CFHR3: variants seen among roughly 807,000 people sequenced by gnomAD.
CFHR3 encodes the protein complement factor H related 3, also known as complement factor H-related protein 3.
Under a neutral mutation model 36.0 loss-of-function variants are expected in CFHR3, and 22 were observed. The observed-to-expected ratio is 0.61, with a 90% CI of 0.44 to 0.87. The LOEUF (loss-of-function observed/expected upper bound fraction) is 0.87, where lower values mean the gene tolerates loss of function less well. Ranked by LOEUF, CFHR3 falls within the 40% of genes least tolerant of loss-of-function variation. The probability of loss-of-function intolerance (pLI) is 0.00; values close to 1 mark genes in which losing one functional copy is unlikely to be tolerated. For synonymous variants in CFHR3, 97 were observed against 137.4 expected (o/e 0.71, Z 2.06); for missense variants, 276 against 401.3 (o/e 0.69, Z 2.67).
intron 1 of CFHR3, among the ~76,000 whole-genome samples, chr1:196,778,193 G>C (rs1021721847): frequency 7.4e-6 from 1 of 134,450 alleles, no homozygotes; most frequent in African/African-American, 3.2e-5. Flanking sequence ...GACTGGGTCA[G>C]AGAAGCTGTC....
intron 4 of CFHR3, 192 bp from the exon 5 acceptor site, chr1:196,789,853 T>G (rs1654356653): frequency 8.8e-7 from 1 of 1,141,434 alleles, no homozygotes; most frequent in African/African-American, 2.2e-5. Flanking sequence ...TGTACATATA[T>G]GTACATATAT....
At chr1:196,789,366 A>T in intron 4 of CFHR3, 1 of 903,462 alleles carries the variant, frequency 1.1e-6, no homozygotes, top group Non-Finnish European at 1.3e-6. Flanking sequence ...GGTTATATGA[A>T]TTCCTACATT....
At position 196,779,862 on chromosome 1, in the gene CFHR3, G is replaced by A. The variant is rs769199684; in HGVS notation, c.319G>A (p.Gly107Ser). 16 of 1,532,670 alleles carry A rather than the reference G, an allele frequency of 1.0e-5. 5 individuals carry two copies. The Admixed American group carries it at 2.8e-4, about 26-fold the overall frequency. 94.9% of individuals were successfully genotyped at this position (1,532,670 alleles called of 1,614,324 possible). ...AAATTATGGAAGAAAGTTTGTACAGGGTAACTCTACAGAAGTTGCCTGCCA... is the reference window on the plus strand; with the variant it reads ...AAATTATGGAAGAAAGTTTGTACAGAGTAACTCTACAGAAGTTGCCTGCCA... The part of the protein sequence containing the change: ...NQNYGRKFVQ[G>S]NSTEVACHPG... Residue 107 changes from glycine to serine, a missense_variant, in exon 3 of 6, where the codon GGT becomes AGT. Gly to Ser is a moderately conservative substitution (Grantham distance 56). Coordinates refer to ENST00000367425, the MANE Select transcript of CFHR3 (RefSeq NM_021023.6).
intron 5 of CFHR3, among the ~76,000 whole-genome samples, chr1:196,793,110 G>T (rs1182163624): frequency 1.5e-5 from 2 of 134,932 alleles, no homozygotes; most frequent in African/African-American, 3.2e-5. Context: ...CACCTCACCT[G>T]ATGATCTCTG....
At chr1:196,789,754 T>G in intron 4 of CFHR3, 1 of 1,393,986 alleles carries the variant, frequency 7.2e-7, no homozygotes, top group Non-Finnish European at 9.4e-7. Context: ...TCCCAACATG[T>G]TATAGTAAGT....
At chr1:196,783,062 A>G (rs1324471645) in intron 3 of CFHR3, among the ~76,000 whole-genome samples, 1 of 136,932 alleles carries the variant, frequency 7.3e-6, no homozygotes, top group Non-Finnish European at 1.5e-5. Context: ...TGAGATAATC[A>G]TGTGGTTTTT....
rs777106706 is a variant in CFHR3 at position 196,780,050 on chromosome 1, T to C, written c.430+77T>C. ...CGGACGACAGTCTCAGACTTGTCTATATTAACTGTGGCAAAATGTTTTTGT... is the reference window on the plus strand; with the variant it reads ...CGGACGACAGTCTCAGACTTGTCTACATTAACTGTGGCAAAATGTTTTTGT... On this transcript the variant is annotated intron_variant, in intron 3 of 5. Coordinates refer to ENST00000367425, the MANE Select transcript of CFHR3 (RefSeq NM_021023.6). The C allele has an allele frequency of 1.3e-5, 19 of 1,491,150 alleles. 2 individuals carry two copies. In the East Asian group the frequency reaches 2.3e-4, roughly 18 times the overall value. 92.4% of individuals were successfully genotyped at this position (1,491,150 alleles called of 1,614,324 possible).
intron 5 of CFHR3, among the ~76,000 whole-genome samples, 186 bp downstream of exon 5, chr1:196,790,413 T>C (rs1280964613): frequency 1.5e-5 from 2 of 129,302 alleles, no homozygotes; most frequent in Admixed American, 7.5e-5. Flanking sequence ...ATGTAAACAA[T>C]GACCAAGTTT....
intron 1 of CFHR3, among the ~76,000 whole-genome samples, chr1:196,776,039 T>C (rs1653705694): frequency 1.6e-5 from 2 of 122,012 alleles, no homozygotes; most frequent in African/African-American, 3.2e-5. Context: ...TCACCAGTTA[T>C]TTCCTTTTTT....
At position 196,788,302 on chromosome 1, in the gene CFHR3, T is replaced by C. The variant is rs1654290560; in HGVS notation, c.517T>C (p.Tyr173His). The change falls in exon 4 of 6, where the codon TAT becomes CAT. Residue 173 changes from tyrosine (Y) to histidine (H), a missense_variant. By Grantham distance (83) the Tyr-to-His change is moderately conservative (BLOSUM62 2). Coordinates refer to ENST00000367425, the MANE Select transcript of CFHR3 (RefSeq NM_021023.6). ...TTATATTTTAAATAAAGAAATACAA[T>C]ATAAATGTAAACCAGGATATGCAAC... ...SIYILNKEIQ[Y>H]KCKPGYATAD... 2 of 1,511,250 alleles carry C rather than the reference T, an allele frequency of 1.3e-6. No individual in the cohort carries two copies. The highest frequency in any genetic ancestry group is 1.8e-6 in the Non-Finnish European group (2 of 1,121,412). 93.6% of individuals were successfully genotyped at this position (1,511,250 alleles called of 1,614,324 possible). A position where few individuals can be genotyped will look rare whatever the true frequency, so the allele number is the denominator to read the frequency against.
Position 196,780,718 on chromosome 1 carries a change from T to C in CFHR3, c.430+745T>C, listed in dbSNP as rs1324675567. On this transcript the variant is annotated intron_variant, in intron 3 of 5. Coordinates refer to ENST00000367425, the MANE Select transcript of CFHR3 (RefSeq NM_021023.6). ...TGTGGCTAGTATTGTTCTTTCCTTT[T>C]TTCTGCATTATGAACAAGTTGCTCA... is the stretch of plus-strand genomic sequence containing the variant. 5.1e-5 allele frequency among the ~76,000 whole-genome samples: 7 copies of C among 136,892 alleles called. 1 individual carries two copies. Among genetic ancestry groups the C allele is most frequent in the African/African-American group, 1.5e-4 (5 of 32,974 alleles). 89.8% of individuals were successfully genotyped at this position (136,892 alleles called of 152,430 possible).
rs1348831477 is a variant in CFHR3, at chr1:196,795,127, C to T, written c.*1614C>T. ...GCTGATATGGTTTGGCTGTGTCCCA[C>T]CCAATTTTCACCTTGAATTATATAA... On this transcript the variant is annotated 3_prime_UTR_variant, in exon 6 of 6. Transcript: ENST00000367425. 3 of 136,352 alleles carry T rather than the reference C, an allele frequency of 2.2e-5. 1 individual carries two copies. The highest frequency in any genetic ancestry group is 9.3e-5 in the African/African-American group (3 of 32,232). The allele number at this position is 136,352 out of a possible 1,614,324, so 8.4% of individuals were successfully genotyped here. A position where few individuals can be genotyped will look rare whatever the true frequency, so the allele number is the denominator to read the frequency against.
rs1046292206 is a variant in CFHR3 at position 196,793,670 on chromosome 1, A to G, written c.*157A>G. 9 of 686,278 alleles carry G rather than the reference A, an allele frequency of 1.3e-5. 2 individuals carry two copies. Among genetic ancestry groups the G allele is most frequent in the Non-Finnish European group, 2.0e-5 (9 of 442,930 alleles). The allele number at this position is 686,278 out of a possible 1,614,324, so 42.5% of individuals were successfully genotyped here. A position where few individuals can be genotyped will look rare whatever the true frequency, so the allele number is the denominator to read the frequency against. ...ATAGTTTCAATTTGCAACTTAATAT[A>G]TTCTCAAAAATATATTAAAACAAAC... is the stretch of plus-strand genomic sequence containing the variant. On this transcript the variant is annotated 3_prime_UTR_variant, in exon 6 of 6. Coordinates refer to ENST00000367425, the MANE Select transcript of CFHR3 (RefSeq NM_021023.6).
In CFHR3 at chr1:196,793,462, A is replaced by T; in HGVS notation, c.942A>T (p.Ser314=). The stretch of plus-strand genomic sequence containing the variant: ...ATAATGCAAATACATCAATTCTATC[A>T]TTTCAAGCAGTGTGTCGGGAAGGGA... ...LGYNANTSIL[S]FQAVCREGIV... Residue 314 remains serine, a synonymous_variant, in exon 6 of 6, where the codon TCA becomes TCT. Transcript: ENST00000367425. The T allele has an allele frequency of 6.5e-7, 1 of 1,527,146 alleles. No homozygotes were observed. The highest frequency in any genetic ancestry group is 8.9e-7 in the Non-Finnish European group (1 of 1,129,372). The allele number at this position is 1,527,146 out of a possible 1,614,324, so 94.6% of individuals were successfully genotyped here. A position where few individuals can be genotyped will look rare whatever the true frequency, so the allele number is the denominator to read the frequency against.
In CFHR3 at chr1:196,794,264, A is replaced by G. The variant is rs1010775937; in HGVS notation, c.*751A>G. Among the ~76,000 whole-genome samples, 1 of 136,512 alleles carries G rather than the reference A, an allele frequency of 7.3e-6. No individual in the cohort carries two copies. The highest frequency in any genetic ancestry group is 3.1e-5 in the African/African-American group (1 of 32,514). The allele number at this position is 136,512 out of a possible 152,430, so 89.6% of individuals were successfully genotyped here. A position where few individuals can be genotyped will look rare whatever the true frequency, so the allele number is the denominator to read the frequency against. On this transcript the variant is annotated 3_prime_UTR_variant, in exon 6 of 6. Transcript: ENST00000367425. Reference sequence around the variant, plus strand: ...AATCATCAGAGGTCAAAAGTTCAAGACCAGCCTGTTCAACACGGTGAAACC... The same window carrying G: ...AATCATCAGAGGTCAAAAGTTCAAGGCCAGCCTGTTCAACACGGTGAAACC...
intron 1 of CFHR3, among the ~76,000 whole-genome samples, chr1:196,775,722 T>C (rs1411659391): frequency 7.3e-6 from 1 of 137,118 alleles, no homozygotes. Context: ...ACATTAGCAG[T>C]GGAACCACAT....
chr1:196,793,596 C>T lies in CFHR3; in HGVS notation c.*83C>T. On this transcript the variant is annotated 3_prime_UTR_variant, in exon 6 of 6. Transcript: ENST00000367425. ...ATGGTCTCAAAGCTTGCAAAGATAGCTTCTGATATTGTTGTAATTTCTACT... is the reference window on the plus strand; with the variant it reads ...ATGGTCTCAAAGCTTGCAAAGATAGTTTCTGATATTGTTGTAATTTCTACT... The T allele has an allele frequency of 8.0e-7, 1 of 1,255,406 alleles. No individual in the cohort carries two copies. The highest frequency in any genetic ancestry group is 2.3e-5 in the East Asian group (1 of 42,620). 77.8% of individuals were successfully genotyped at this position (1,255,406 alleles called of 1,614,324 possible).
rs780913965 is a variant in CFHR3, at chr1:196,793,321, A to T, written c.801A>T (p.Pro267=). 33 of 1,509,608 alleles carry T rather than the reference A, an allele frequency of 2.2e-5. 10 individuals carry two copies. The highest frequency in any genetic ancestry group is 2.7e-6 in the Non-Finnish European group (3 of 1,116,504). The allele number at this position is 1,509,608 out of a possible 1,614,324, so 93.5% of individuals were successfully genotyped here. The part of the protein sequence containing the change: ...EWSEPPRCIH[P]CIITEENMNK... The stretch of plus-strand genomic sequence containing the variant: ...ATTGTTTTTTTCTGCTTTCAGATCC[A>T]TGTATAATAACTGAAGAAAACATGA... Residue 267 remains proline, a synonymous_variant, in exon 6 of 6, where the codon CCA becomes CCT. Transcript: ENST00000367425.
intron 1 of CFHR3, among the ~76,000 whole-genome samples, chr1:196,778,460 A>G (rs1653818125): frequency 7.3e-6 from 1 of 137,232 alleles, no homozygotes; most frequent in Non-Finnish European, 1.5e-5. Flanking sequence ...TAGAAGAAAC[A>G]TAAATTATAT....
Sources: allele counts gnomAD v4.1 joint callset (sites outside exome capture counted in the v4.1 genomes callset), GRCh38; gene constraint gnomAD v4.1.1; transcripts MANE v1.5; gene names NCBI Gene and HGNC (gene_info 2026-07-23, HGNC 2026-07-21).